KDM4C: variants seen among roughly 807,000 people sequenced by gnomAD.
The protein encoded by KDM4C is lysine-specific demethylase 4C.
A neutral mutation model predicts 129.3 loss-of-function variants in KDM4C; 81 were observed. That is an observed-to-expected ratio of 0.63 (90% CI 0.52 to 0.75). KDM4C has a LOEUF of 0.75. Ranked by LOEUF, KDM4C falls within the 30% of genes least tolerant of loss-of-function variation. The probability of loss-of-function intolerance (pLI) is 0.00; values close to 1 mark genes in which losing one functional copy is unlikely to be tolerated. For missense variants in KDM4C, 1,457 were observed against 1,304.0 expected (o/e 1.12, Z -1.81); for synonymous variants, 573 against 456.1 (o/e 1.26, Z -3.26).
At chr9:6,728,396 C>T (rs537777834) in intron 1 of KDM4C, among the ~76,000 whole-genome samples, 3 of 151,638 alleles carry the variant, frequency 2.0e-5, no homozygotes, top group African/African-American at 4.8e-5. Context: ...TAGCTGGGCA[C>T]AGTGGAACGC....
intron 17 of KDM4C, among the ~76,000 whole-genome samples, chr9:7,093,526 A>G (rs1836056437): frequency 6.6e-6 from 1 of 152,170 alleles, no homozygotes; most frequent in South Asian, 2.1e-4. Context: ...CTTATAATCC[A>G]GGCTTCTCAC....
At chr9:6,840,536 A>G (rs1036853346) in intron 4 of KDM4C, among the ~76,000 whole-genome samples, 3 of 152,022 alleles carry the variant, frequency 2.0e-5, no homozygotes, top group Non-Finnish European at 4.4e-5. Flanking sequence ...AGCTGGGACT[A>G]CAGGCGTCTG....
rs1478250864 is a variant in KDM4C, at chr9:7,155,725, A to G, written c.2782-9513A>G. Among the ~76,000 whole-genome samples, 3 of 152,194 alleles carry G rather than the reference A, an allele frequency of 2.0e-5. No homozygotes were observed. The East Asian group carries it at 5.8e-4, about 29-fold the overall frequency. On this transcript the variant is annotated intron_variant, in intron 19 of 21. Coordinates refer to ENST00000381309, the MANE Select transcript of KDM4C (RefSeq NM_015061.6). ...TGGCTGACATGGTATTCCATGGTGT[A>G]TATGTGCCACATTTTCTTAATCCAG... is the stretch of plus-strand genomic sequence containing the variant.
At chr9:6,757,926 T>G (rs1464514023), upstream of KDM4C, 25 of 985,194 alleles carry the variant, frequency 2.5e-5, no homozygotes, top group Non-Finnish European at 3.0e-5. Context: ...ACTCACCAAG[T>G]GCGGGCCCCA....
chr9:7,020,436 C>A (rs1824585707), intron 15 of KDM4C, among the ~76,000 whole-genome samples: 1 of 152,128 alleles, frequency 6.6e-6, no homozygotes, highest in Admixed American at 6.6e-5. Context: ...GCTTATAAAT[C>A]AGCTTTATTA....
intron 5 of KDM4C, among the ~76,000 whole-genome samples, chr9:6,854,544 A>C (rs1420193970): frequency 3.4e-5 from 5 of 145,926 alleles, no homozygotes; most frequent in African/African-American, 1.1e-4. Context: ...AAAAAAAAAA[A>C]ACAAAAAAAA....
intron 8 of KDM4C, among the ~76,000 whole-genome samples, chr9:6,914,513 G>A (rs1279156133): frequency 6.6e-6 from 1 of 152,190 alleles, no homozygotes; most frequent in Non-Finnish European, 1.5e-5. Flanking sequence ...AGAGGTATTG[G>A]ACCAATTCAT....
intron 18 of KDM4C, among the ~76,000 whole-genome samples, chr9:7,107,526 AATAATCTGCATATTT>A (rs1472822464): frequency 6.6e-6 from 1 of 152,240 alleles, no homozygotes; most frequent in East Asian, 1.9e-4. Flanking sequence ...ATTAGGTTAG[AATAATCTGCATATTT>A]AGTGTAGCAG....
At chr9:6,975,723 T>TAA (rs1832806386) in intron 8 of KDM4C, among the ~76,000 whole-genome samples, 1 of 139,502 alleles carries the variant, frequency 7.2e-6, no homozygotes, top group Admixed American at 7.6e-5. Context: ...CTGAGATAAT[T>TAA]CACTAATGGT....
chr9:7,090,082 G>A (rs562980361), intron 17 of KDM4C, among the ~76,000 whole-genome samples: 4 of 152,194 alleles, frequency 2.6e-5, no homozygotes, highest in African/African-American at 4.8e-5. Flanking sequence ...AGCCCTTCCA[G>A]CTCCCTCATT....
chr9:7,088,080 G>C (rs1426591190), intron 17 of KDM4C, among the ~76,000 whole-genome samples: 3 of 152,224 alleles, frequency 2.0e-5, no homozygotes, highest in African/African-American at 4.8e-5. Context: ...GAGATGGACA[G>C]TGTCTTTAGC....
At chr9:6,927,183 G>A (rs974813772) in intron 8 of KDM4C, among the ~76,000 whole-genome samples, 6 of 151,690 alleles carry the variant, frequency 4.0e-5, no homozygotes, top group African/African-American at 1.2e-4. Flanking sequence ...TGGCTGTAGT[G>A]CAGTGGCATG....
rs769893080 is a variant in KDM4C at position 6,758,125 on chromosome 9, C to G, written c.-96C>G. Reference sequence around the variant, plus strand: ...TGCGGAACAAGTCTCCCAAATTTCCCAAATCTCCCTGGGCCGGAGGCCACT... The same window carrying G: ...TGCGGAACAAGTCTCCCAAATTTCCGAAATCTCCCTGGGCCGGAGGCCACT... On this transcript the variant is annotated 5_prime_UTR_variant, in exon 1 of 22. Transcript: ENST00000381309. This position sits in a 1 kb window ranked among gnomAD's most constrained non-coding sequence, Gnocchi z 4.6. The G allele has an allele frequency of 1.8e-3, 1,784 of 985,622 alleles. 2 individuals carry two copies. Among genetic ancestry groups the G allele is most frequent in the Non-Finnish European group, 2.1e-3 (1,704 of 830,074 alleles). The allele number at this position is 985,622 out of a possible 1,614,324, so 61.1% of individuals were successfully genotyped here. A position where few individuals can be genotyped will look rare whatever the true frequency, so the allele number is the denominator to read the frequency against.
chr9:7,044,582 T>A (rs1375768726), intron 15 of KDM4C, among the ~76,000 whole-genome samples: 4 of 151,876 alleles, frequency 2.6e-5, no homozygotes, highest in African/African-American at 9.7e-5. Flanking sequence ...GAAAAATGTG[T>A]CCTCCAATAT....
intron 19 of KDM4C, among the ~76,000 whole-genome samples, chr9:7,160,927 C>T (rs1843715525): frequency 1.3e-5 from 2 of 152,222 alleles, no homozygotes; most frequent in Non-Finnish European, 2.9e-5. Context: ...CAGCTATGCC[C>T]TGCCCACAGA....
rs148943393 is a variant in KDM4C, at chr9:6,956,645, T to G, written c.922-24280T>G. ...GTACTACAATGGCTGACTTGAGTGG[T>G]TGTGACAAAAGATCATATAATACAC... On this transcript the variant is annotated intron_variant, in intron 8 of 21. Transcript: ENST00000381309. Among the ~76,000 whole-genome samples the G allele has an allele frequency of 4.2e-3, 641 of 152,314 alleles. 4 individuals carry two copies. Among genetic ancestry groups the G allele is most frequent in the African/African-American group, 0.014 (583 of 41,568 alleles).
rs1052629844 is a variant in KDM4C at position 6,799,642 on chromosome 9, CTTTT to C, written c.145-5942_145-5939del. On this transcript the variant is annotated intron_variant, in intron 2 of 21. Transcript: ENST00000381309. ...ACGGGAGAGGGCTCTTTTTTCTTTT[CTTTT>C]TTTTTTTTTTTTTTACAAAACAGAA... Among the ~76,000 whole-genome samples, 278 of 121,504 alleles carry C rather than the reference CTTTT, an allele frequency of 2.3e-3. 2 individuals are homozygous for C. The highest frequency in any genetic ancestry group is 7.8e-3 in the African/African-American group (266 of 34,164). 79.7% of individuals were successfully genotyped at this position (121,504 alleles called of 152,430 possible). A position where few individuals can be genotyped will look rare whatever the true frequency, so the allele number is the denominator to read the frequency against.
intron 17 of KDM4C, among the ~76,000 whole-genome samples, chr9:7,075,379 G>C (rs952425214): frequency 1.3e-5 from 2 of 152,154 alleles, no homozygotes; most frequent in Non-Finnish European, 1.5e-5. Flanking sequence ...TGGCAGTGTT[G>C]GGGGGTGCGA....
intron 8 of KDM4C, among the ~76,000 whole-genome samples, chr9:6,949,288 A>G (rs1160464645): frequency 7.4e-6 from 1 of 134,696 alleles, no homozygotes; most frequent in African/African-American, 2.9e-5. Flanking sequence ...ATCCCAGATG[A>G]TGGGTGGCCG....
Sources: gnomAD v4.1 joint callset for allele counts (sites outside exome capture counted in the v4.1 genomes callset) on GRCh38, gnomAD v4.1.1 for gene constraint, Gnocchi (gnomAD v3.1) non-coding constraint, MANE v1.5 for transcripts, NCBI Gene and HGNC (gene_info 2026-07-23, HGNC 2026-07-21) for gene names.